The following LAG3 variants were observed in gnomAD, a reference collection of about 807,000 sequenced individuals.
LAG3 encodes lymphocyte activating 3, also known as lymphocyte activation gene 3 protein.
LAG3 carries 29 observed loss-of-function variants against 49.0 expected under a neutral mutation model. The observed-to-expected ratio is 0.59, with a 90% CI of 0.44 to 0.81. The LOEUF (loss-of-function observed/expected upper bound fraction) is 0.81, where lower values mean the gene tolerates loss of function less well. Ranked by LOEUF, LAG3 falls within the 30% of genes least tolerant of loss-of-function variation. LAG3 has a pLI of 0.00. For missense variants in LAG3, 693 were observed against 695.2 expected (o/e 1.00, Z 0.04); for synonymous variants, 320 against 297.3 (o/e 1.08, Z -0.79).
chr12:6,774,134 G>C, intron 3 of LAG3, 133 bp downstream of exon 3: 2 of 1,302,496 alleles, frequency 1.5e-6, no homozygotes, highest in Non-Finnish European at 2.0e-6. Flanking sequence ...AGTAGAGGAA[G>C]GGGGTGGGCG....
chr12:6,777,715 T>C, intron 6 of LAG3, 76 bp from the exon 7 acceptor site: 1 of 1,554,070 alleles, frequency 6.4e-7, no homozygotes, highest in Non-Finnish European at 8.8e-7. Flanking sequence ...TCTCATTGCA[T>C]CTGTAAAGTC....
Position 6,772,797 on chromosome 12 carries a change from C to CGGTGCG in LAG3, c.-56_-55insGGTGCG. The CGGTGCG allele has an allele frequency of 6.7e-7, 1 of 1,502,050 alleles. No homozygotes were observed. The allele number at this position is 1,502,050 out of a possible 1,614,324, so 93.0% of individuals were successfully genotyped here. ...ACCCCCCACCCCCCACCACTGCCCC[C>CGGTGCG]TTTCCTTTTCTGACCTCCTTTTGGA... On this transcript the variant is annotated 5_prime_UTR_variant, in exon 1 of 8. Coordinates refer to ENST00000203629, the MANE Select transcript of LAG3 (RefSeq NM_002286.6).
At chr12:6,774,047 C>A in intron 3 of LAG3, 46 bp downstream of exon 3, 1 of 1,375,330 alleles carries the variant, frequency 7.3e-7, no homozygotes, top group Non-Finnish European at 9.3e-7. Flanking sequence ...GGTGGGTCCC[C>A]ATCCCCTGCC....
At chr12:6,777,222 G>T in intron 5 of LAG3, 42 bp from the exon 6 acceptor site, 2 of 1,612,290 alleles carry the variant, frequency 1.2e-6, no homozygotes, top group Middle Eastern at 3.3e-4. Context: ...TCACGTAAGG[G>T]GGGCAGAATC....
rs1350685206 is a variant in LAG3 at position 6,772,818 on chromosome 12, T to C, written c.-35T>C. 2.1e-6 allele frequency: 3 copies of C among 1,409,596 alleles called. No individual in the cohort carries two copies. Among genetic ancestry groups the C allele is most frequent in the Non-Finnish European group, 2.9e-6 (3 of 1,041,776 alleles). 87.3% of individuals were successfully genotyped at this position (1,409,596 alleles called of 1,614,324 possible). Reference sequence around the variant, plus strand: ...CCCCCTTTCCTTTTCTGACCTCCTTTTGGAGGGCTCAGCGCTGCCCAGACC... The same window carrying C: ...CCCCCTTTCCTTTTCTGACCTCCTTCTGGAGGGCTCAGCGCTGCCCAGACC... On this transcript the variant is annotated 5_prime_UTR_variant, in exon 1 of 8. Coordinates refer to ENST00000203629, the MANE Select transcript of LAG3 (RefSeq NM_002286.6).
At chr12:6,774,235 A>C (rs531640636) in intron 3 of LAG3, among the ~76,000 whole-genome samples, 1 of 152,056 alleles carries the variant, frequency 6.6e-6, no homozygotes, top group African/African-American at 2.4e-5. Flanking sequence ...TCTCCCACCC[A>C]CGCGGGAGTG....
In LAG3 at chr12:6,774,731, C is replaced by G; in HGVS notation, c.648C>G (p.Ser216=). 1 of 1,614,152 alleles carries G rather than the reference C, an allele frequency of 6.2e-7. No homozygotes were observed. Among genetic ancestry groups the G allele is most frequent in the Non-Finnish European group, 8.5e-7 (1 of 1,180,020 alleles). Residue 216 remains serine, a synonymous_variant, in exon 4 of 8, where the codon TCC becomes TCG. Transcript: ENST00000203629. ...RGQGRVPVRE[S]PHHHLAESFL... is the part of the protein sequence containing the mutation. ...AGGGCCGAGTCCCTGTCCGGGAGTC[C>G]CCCCATCACCACTTAGCGGAAAGCT... is the stretch of plus-strand genomic sequence containing the variant.
At chr12:6,778,086 T>C in intron 7 of LAG3, 158 bp from the exon 8 acceptor site, 1 of 1,321,722 alleles carries the variant, frequency 7.6e-7, no homozygotes. Flanking sequence ...GGCTTGTGCC[T>C]GGGTAGGCTG....
At chr12:6,777,654 C>G in intron 6 of LAG3, 137 bp from the exon 7 acceptor site, 2 of 1,439,090 alleles carry the variant, frequency 1.4e-6, no homozygotes, top group Non-Finnish European at 1.9e-6. Flanking sequence ...GACCCGTTTC[C>G]GCCACTGATC....
rs1261865496 is a variant in LAG3 at position 6,774,718 on chromosome 12, C to T, written c.635C>T (p.Pro212Leu). ...CGGAACCGGGGCCAGGGCCGAGTCC[C>T]TGTCCGGGAGTCCCCCCATCACCAC... is the stretch of plus-strand genomic sequence containing the variant. ...WFRNRGQGRV[P>L]VRESPHHHLA... Residue 212 changes from proline to leucine, a missense_variant, in exon 4 of 8, where the codon CCT (proline) becomes CTT (leucine). Coordinates refer to ENST00000203629, the MANE Select transcript of LAG3 (RefSeq NM_002286.6). 1 of 1,614,204 alleles carries T rather than the reference C, an allele frequency of 6.2e-7. No homozygotes were observed. The highest frequency in any genetic ancestry group is 2.2e-5 in the East Asian group (1 of 44,890).
Position 6,773,224 on chromosome 12 carries a change from G to A in LAG3, c.91G>A (p.Val31Met). The change falls in exon 2 of 8, where the codon GTG becomes ATG. Residue 31 changes from valine (V) to methionine (M), a missense_variant. Coordinates refer to ENST00000203629, the MANE Select transcript of LAG3 (RefSeq NM_002286.6). The surrounding 1 kb of genome is among the most constrained non-coding windows in gnomAD (Gnocchi z 5.5). ...KPLQPGAEVP[V>M]VWAQEGAPAQ... ...TCTCCAGCCAGGGGCTGAGGTCCCG[G>A]TGGTGTGGGCCCAGGAGGGGGCTCC... 1 of 1,612,352 alleles carries A rather than the reference G, an allele frequency of 6.2e-7. No individual in the cohort carries two copies. Among genetic ancestry groups the A allele is most frequent in the Non-Finnish European group, 8.5e-7 (1 of 1,179,394 alleles).
In LAG3 at chr12:6,772,570, G is replaced by A. The variant is rs2137804611; in HGVS notation, c.-283G>A. ...CCACGACGGCCACTTTGCTCTGTCT[G>A]CTCTCCGCCACGGCCCTGCTCTGTT... is the stretch of plus-strand genomic sequence containing the variant. On this transcript the variant is annotated 5_prime_UTR_variant, in exon 1 of 8. Transcript: ENST00000203629. 5.1e-6 allele frequency: 2 copies of A among 394,116 alleles called. No individual in the cohort carries two copies. The highest frequency in any genetic ancestry group is 1.0e-4 in the South Asian group (2 of 19,980). The allele number at this position is 394,116 out of a possible 1,614,324, so 24.4% of individuals were successfully genotyped here. A position where few individuals can be genotyped will look rare whatever the true frequency, so the allele number is the denominator to read the frequency against.
chr12:6,773,865 C>T lies in LAG3; in HGVS notation c.375C>T (p.Arg125=), dbSNP rs1243744096. The change falls in exon 3 of 8, where the codon CGC becomes CGT. Residue 125 remains arginine (R), a synonymous_variant. Transcript: ENST00000203629. This position sits in a 1 kb window ranked among gnomAD's most constrained non-coding sequence, Gnocchi z 5.5. ...PLQPRVQLDE[R]GRQRGDFSLW... ...AGCCCCGCGTCCAGCTGGATGAGCG[C>T]GGCCGGCAGCGCGGGGACTTCTCGC... The T allele has an allele frequency of 1.4e-6, 2 of 1,402,162 alleles. No individual in the cohort carries two copies. The highest frequency in any genetic ancestry group is 1.8e-6 in the Non-Finnish European group (2 of 1,086,090). The allele number at this position is 1,402,162 out of a possible 1,614,324, so 86.9% of individuals were successfully genotyped here.
Position 6,775,480 on chromosome 12 carries a change from C to T in LAG3, c.989C>T (p.Thr330Ile), listed in dbSNP as rs753628034. 1 of 1,614,020 alleles carries T rather than the reference C, an allele frequency of 6.2e-7. No individual in the cohort carries two copies. The change falls in exon 5 of 8, where the codon ACC (threonine) becomes ATC (isoleucine). Residue 330 changes from threonine to isoleucine, a missense_variant. Physicochemically the swap from Thr to Ile is moderately conservative, Grantham distance 89. Coordinates refer to ENST00000203629, the MANE Select transcript of LAG3 (RefSeq NM_002286.6). ...GATGTGAGCCAGGCCCAGGCTGGGA[C>T]CTACACCTGCCATATCCATCTGCAG... ...LEDVSQAQAGTYTCHIHLQEQ... is the reference protein window; with the variant it reads ...LEDVSQAQAGIYTCHIHLQEQ...
At position 6,773,260 on chromosome 12, in the gene LAG3, C is replaced by T. The variant is rs781221749; in HGVS notation, c.127C>T (p.Pro43Ser). 1.9e-6 allele frequency: 3 copies of T among 1,613,472 alleles called. No individual in the cohort carries two copies. Among genetic ancestry groups the T allele is most frequent in the Non-Finnish European group, 2.5e-6 (3 of 1,179,744 alleles). Residue 43 changes from proline (P) to serine (S), a missense_variant, in exon 2 of 8, where the codon CCC (proline) becomes TCC (serine). Transcript: ENST00000203629. This position sits in a 1 kb window ranked among gnomAD's most constrained non-coding sequence, Gnocchi z 5.5. ...WAQEGAPAQL[P>S]CSPTIPLQDL... ...CCAGGAGGGGGCTCCTGCCCAGCTC[C>T]CCTGCAGCCCCACAATCCCCCTCCA... is the stretch of plus-strand genomic sequence containing the variant.
intron 5 of LAG3, chr12:6,775,767 G>A (rs1020424638): frequency 1.5e-4 from 88 of 572,350 alleles, no homozygotes; most frequent in Non-Finnish European, 2.2e-4. Context: ...AAGTTCCACC[G>A]TTCTCTATGG....
Position 6,774,536 on chromosome 12 carries a change from C to G in LAG3, c.512-59C>G, listed in dbSNP as rs556489770. On this transcript the variant is annotated intron_variant, in intron 3 of 7. Coordinates refer to ENST00000203629, the MANE Select transcript of LAG3 (RefSeq NM_002286.6). ...TCCAGGAGCTTCCGGCTTGGCAGCC[C>G]TGCTGTGTTGGGAAATTGTTTCCAG... 7 of 1,559,918 alleles carry G rather than the reference C, an allele frequency of 4.5e-6. No individual in the cohort carries two copies. In the African/African-American group the frequency reaches 6.8e-5, roughly 15 times the overall value.
rs1192121483 is a variant in LAG3 at position 6,773,615 on chromosome 12, T to A, written c.207-82T>A. ...AAGAGAACTCTTGGGGCGGGCTTTC[T>A]CATCCTCAACGGGTGGCTGCCTGCA... On this transcript the variant is annotated intron_variant, in intron 2 of 7. Coordinates refer to ENST00000203629, the MANE Select transcript of LAG3 (RefSeq NM_002286.6). This position sits in a 1 kb window ranked among gnomAD's most constrained non-coding sequence, Gnocchi z 5.5. 7.5e-7 allele frequency: 1 copy of A among 1,334,196 alleles called. No homozygotes were observed. Among genetic ancestry groups the A allele is most frequent in the Non-Finnish European group, 9.5e-7 (1 of 1,048,260 alleles). 82.6% of individuals were successfully genotyped at this position (1,334,196 alleles called of 1,614,324 possible).
intron 3 of LAG3, among the ~76,000 whole-genome samples, 184 bp downstream of exon 3, chr12:6,774,185 G>A (rs1276354112): frequency 6.6e-6 from 1 of 152,204 alleles, no homozygotes; most frequent in Non-Finnish European, 1.5e-5. Context: ...ACGTGTATGG[G>A]GGGCCCTGTG....
Sources: gnomAD v4.1 joint callset for allele counts (sites outside exome capture counted in the v4.1 genomes callset) on GRCh38, gnomAD v4.1.1 for gene constraint, Gnocchi (gnomAD v3.1) non-coding constraint, MANE v1.5 for transcripts, NCBI Gene and HGNC (gene_info 2026-07-23, HGNC 2026-07-21) for gene names.